PDE1A: variants seen among roughly 807,000 people sequenced by gnomAD.
PDE1A encodes the protein phosphodiesterase 1A.
Under a neutral mutation model 61.7 loss-of-function variants are expected in PDE1A, and 35 were observed. That is an observed-to-expected ratio of 0.57 (90% CI 0.43 to 0.75). The LOEUF (loss-of-function observed/expected upper bound fraction) is 0.75. Ranked by LOEUF, PDE1A falls within the 30% of genes least tolerant of loss-of-function variation. PDE1A has a pLI of 0.00. For synonymous variants in PDE1A, 232 were observed against 213.2 expected, an observed-to-expected ratio of 1.09 and a Z score of -0.77; for missense variants, 597 against 630.6, an observed-to-expected ratio of 0.95 and a Z score of 0.57.
intron 1 of PDE1A, among the ~76,000 whole-genome samples, chr2:182,279,648 A>T (rs926963885): frequency 2.0e-5 from 3 of 151,902 alleles, no homozygotes; most frequent in Non-Finnish European, 4.4e-5. Context: ...CTTTTAAAAC[A>T]TCTTTATTGG....
intron 1 of PDE1A, among the ~76,000 whole-genome samples, chr2:182,349,746 G>A (rs1454305896): frequency 6.6e-6 from 1 of 152,060 alleles, no homozygotes; most frequent in Non-Finnish European, 1.5e-5. Flanking sequence ...GCAGCAGAGT[G>A]AGACTCCATC....
At position 182,522,288 on chromosome 2, in the gene PDE1A, C is replaced by T. The variant is rs137961386; in HGVS notation, c.89G>A (p.Arg30His). 1.3e-3 allele frequency: 2,081 copies of T among 1,612,926 alleles called. 2 individuals carry two copies. The highest frequency in any genetic ancestry group is 1.6e-3 in the Non-Finnish European group (1,910 of 1,179,250). The stretch of plus-strand genomic sequence containing the variant: ...AGAGCATACTCACATTCCTTTCAGG[C>T]GCTGCCACATTTTTTCAGTCTGTTC... The change falls in exon 2 of 15, where the codon CGC becomes CAC. Residue 30 changes from arginine (R) to histidine (H), a missense_variant. Arg to His is a conservative substitution (Grantham distance 29). Coordinates refer to the PDE1A transcript ENST00000410103.
intron 2 of PDE1A, among the ~76,000 whole-genome samples, chr2:182,475,968 G>A (rs533902873): frequency 3.3e-5 from 5 of 151,750 alleles, no homozygotes; most frequent in African/African-American, 4.8e-5. Context: ...TTAAAACTAG[G>A]TGCACTTAAG....
At chr2:182,503,040 TACACACAC>T (rs35067674) in intron 2 of PDE1A, among the ~76,000 whole-genome samples, 4 of 96,926 alleles carry the variant, frequency 4.1e-5, no homozygotes, top group African/African-American at 6.4e-5. Context: ...CATTCTTTCT[TACACACAC>T]ACACACACAC....
chr2:182,528,027 G>A (rs921908155), upstream of PDE1A, among the ~76,000 whole-genome samples: 1 of 152,032 alleles, frequency 6.6e-6, no homozygotes, highest in Non-Finnish European at 1.5e-5. Context: ...CATGAAAATG[G>A]ACTAATACAG....
At chr2:182,177,998 GT>G (rs1684415989) in intron 13 of PDE1A, among the ~76,000 whole-genome samples, 1 of 151,980 alleles carries the variant, frequency 6.6e-6, no homozygotes, top group Non-Finnish European at 1.5e-5. Flanking sequence ...ATCAAATATT[GT>G]TTTTCATTTC....
At chr2:182,478,820 C>G (rs1427267585) in intron 2 of PDE1A, among the ~76,000 whole-genome samples, 1 of 151,904 alleles carries the variant, frequency 6.6e-6, no homozygotes, top group Non-Finnish European at 1.5e-5. Context: ...CACTTCACAT[C>G]TCTCATCATG....
the PDE1A span, among the ~76,000 whole-genome samples, chr2:182,713,429 G>C: frequency 6.6e-6 from 1 of 152,066 alleles, no homozygotes; most frequent in Non-Finnish European, 1.5e-5. Context: ...TCAGGAGTTC[G>C]AGACCAGCCT....
At chr2:182,713,658 G>T in the PDE1A span, among the ~76,000 whole-genome samples, 1 of 151,992 alleles carries the variant, frequency 6.6e-6, no homozygotes, top group South Asian at 2.1e-4. Flanking sequence ...ATAAATAAAT[G>T]AACTGTGTAA....
the PDE1A span, among the ~76,000 whole-genome samples, chr2:182,575,819 T>C: frequency 2.0e-5 from 3 of 146,786 alleles, no homozygotes; most frequent in East Asian, 3.9e-4. Context: ...AATTACTTAG[T>C]CTTTGCTCCT....
At chr2:182,464,827 G>T (rs940081311) in intron 2 of PDE1A, among the ~76,000 whole-genome samples, 1 of 151,944 alleles carries the variant, frequency 6.6e-6, no homozygotes, top group Non-Finnish European at 1.5e-5. Context: ...GTCAGACCAG[G>T]GTGCTGAGAC....
At chr2:182,601,955 T>G in the PDE1A span, among the ~76,000 whole-genome samples, 1 of 152,186 alleles carries the variant, frequency 6.6e-6, no homozygotes, top group African/African-American at 2.4e-5. Context: ...CTCCATTCCG[T>G]GGGACTGGCA....
chr2:182,508,055 A>C (rs1553634837), intron 2 of PDE1A, among the ~76,000 whole-genome samples: 1 of 152,180 alleles, frequency 6.6e-6, no homozygotes, highest in Non-Finnish European at 1.5e-5. Context: ...TTATAACAAG[A>C]ATAGAGTAGT....
chr2:182,273,041 A>G (rs934903901), intron 1 of PDE1A, among the ~76,000 whole-genome samples: 1 of 152,150 alleles, frequency 6.6e-6, no homozygotes, highest in African/African-American at 2.4e-5. Context: ...GGATGTCCAT[A>G]AAGTCTGAAA....
chr2:182,586,527 C>A, the PDE1A span, among the ~76,000 whole-genome samples: 1 of 152,158 alleles, frequency 6.6e-6, no homozygotes, highest in African/African-American at 2.4e-5. Context: ...TTGCCTGTTA[C>A]ATGTTACACT....
In PDE1A at chr2:182,486,875, A is replaced by C. The variant is rs145721950; in HGVS notation, c.101+35401T>G. 1.8e-3 allele frequency among the ~76,000 whole-genome samples: 276 copies of C among 152,278 alleles called. 2 individuals carry two copies. Among genetic ancestry groups the C allele is most frequent in the African/African-American group, 6.0e-3 (251 of 41,582 alleles). The stretch of plus-strand genomic sequence containing the variant: ...ATTTTTGTGACCTTAGATTAGGCAA[A>C]GATTAAGACACTAAAAGCATAATCC... On this transcript the variant is annotated intron_variant, in intron 2 of 14. Coordinates refer to the PDE1A transcript ENST00000410103.
intron 2 of PDE1A, among the ~76,000 whole-genome samples, chr2:182,464,287 G>T (rs571116541): frequency 6.6e-6 from 1 of 150,538 alleles, no homozygotes; most frequent in South Asian, 2.1e-4. Flanking sequence ...GACAGGCATA[G>T]GGACCACTGC....
the PDE1A span, among the ~76,000 whole-genome samples, chr2:182,578,697 G>A: frequency 3.3e-5 from 5 of 152,310 alleles, no homozygotes; most frequent in Non-Finnish European, 7.4e-5. Context: ...GAACCTGAAA[G>A]AATGGTATTT....
chr2:182,379,013 T>C (rs573041695), intron 1 of PDE1A, among the ~76,000 whole-genome samples: 2 of 152,338 alleles, frequency 1.3e-5, no homozygotes, highest in Admixed American at 1.3e-4. Context: ...TGAATTTTAT[T>C]TTTGACAAAA....
Sources: allele counts gnomAD v4.1 joint callset (sites outside exome capture counted in the v4.1 genomes callset), GRCh38; gene constraint gnomAD v4.1.1; transcripts MANE v1.5; gene names NCBI Gene and HGNC (gene_info 2026-07-23, HGNC 2026-07-21).